The following FES variants were observed in gnomAD, a reference collection of about 807,000 sequenced individuals.
FES encodes tyrosine-protein kinase Fes/Fps.
FES carries 83 observed loss-of-function variants against 109.6 expected under a neutral mutation model. The observed-to-expected ratio is 0.76, with a 90% CI of 0.63 to 0.91. The LOEUF (loss-of-function observed/expected upper bound fraction) is 0.91, where lower values mean the gene tolerates loss of function less well. Among genes scored for constraint, FES ranks in the 40% least tolerant of loss-of-function variants. The pLI, the probability that FES is intolerant of heterozygous loss-of-function variation, is 0.00. For synonymous variants in FES, 458 were observed against 442.1 expected (o/e 1.04, Z -0.45); for missense variants, 943 against 1,070.9 (o/e 0.88, Z 1.67).
chr15:90,893,721 T>C lies in FES; in HGVS notation c.2113T>C (p.Ser705Pro). The C allele has an allele frequency of 6.2e-7, 1 of 1,611,898 alleles. No homozygotes were observed. Among genetic ancestry groups the C allele is most frequent in the Non-Finnish European group, 8.5e-7 (1 of 1,179,232 alleles). Reference sequence around the variant, plus strand: ...CCTGAAGATCAGTGACTTTGGGATGTCCCGAGAGGAAGCCGATGGGGTCTA... The same window carrying C: ...CCTGAAGATCAGTGACTTTGGGATGCCCCGAGAGGAAGCCGATGGGGTCTA... ...NVLKISDFGM[S>P]REEADGVYAA... is the part of the protein sequence containing the mutation. Residue 705 changes from serine (S) to proline (P), a missense_variant, in exon 17 of 19, where the codon TCC becomes CCC. By Grantham distance (74) the Ser-to-Pro change is moderately conservative. Transcript: ENST00000328850.
At chr15:90,888,459 C>T (rs2151252154) in intron 5 of FES, among the ~76,000 whole-genome samples, 1 of 152,352 alleles carries the variant, frequency 6.6e-6, no homozygotes, top group Non-Finnish European at 1.5e-5. Context: ...AAATAGACTT[C>T]AGGGAGCAAG....
rs1337893238 is a variant in FES, at chr15:90,891,005, T to C, written c.1344T>C (p.Ile448=). ...AGCTCCCTCCACCGCTGCAGCTCAT[T>C]CCGGAGGTGCAGAAGCCCCTGCATG... The part of the protein sequence containing the change: ...KFSLPPPLQL[I]PEVQKPLHEQ... Residue 448 remains isoleucine, a synonymous_variant, in exon 11 of 19, where the codon ATT becomes ATC. Transcript: ENST00000328850. 3 of 1,591,660 alleles carry C rather than the reference T, an allele frequency of 1.9e-6. No individual in the cohort carries two copies. Among genetic ancestry groups the C allele is most frequent in the Non-Finnish European group, 2.6e-6 (3 of 1,168,994 alleles).
intron 10 of FES, 91 bp from the exon 11 acceptor site, chr15:90,890,891 C>A: frequency 1.6e-6 from 2 of 1,257,752 alleles, no homozygotes; most frequent in Non-Finnish European, 2.2e-6. Context: ...GGGCTGAGGG[C>A]ATATAGGGGG....
At chr15:90,895,218 G>A (rs2033602472) in intron 18 of FES, among the ~76,000 whole-genome samples, 198 bp from the exon 19 acceptor site, 1 of 152,248 alleles carries the variant, frequency 6.6e-6, no homozygotes, top group African/African-American at 2.4e-5. Context: ...CAGGCTGGCA[G>A]AGGGGACACA....
intron 16 of FES, 60 bp from the exon 17 acceptor site, chr15:90,893,594 T>C: frequency 6.6e-7 from 1 of 1,521,014 alleles, no homozygotes; most frequent in South Asian, 1.3e-5. Flanking sequence ...TCCTAGAGTG[T>C]TCAGCCAGGG....
At chr15:90,891,801 T>G in intron 12 of FES, 125 bp downstream of exon 12, 1 of 1,397,176 alleles carries the variant, frequency 7.2e-7, no homozygotes, top group Non-Finnish European at 9.7e-7. Context: ...AGATGCAGAG[T>G]GAGTGACCCT....
At position 90,887,308 on chromosome 15, in the gene FES, G is replaced by T. The variant is rs1306780827; in HGVS notation, c.606G>T (p.Gln202His). Residue 202 changes from glutamine (Q) to histidine (H), a missense_variant, in exon 5 of 19, where the codon CAG (glutamine) becomes CAT (histidine). Physicochemically the swap from Gln to His is conservative, Grantham distance 24. Coordinates refer to ENST00000328850, the MANE Select transcript of FES (RefSeq NM_002005.4). ...AAQLHHQHHH[Q>H]LLLPGLLRSL... is the part of the protein sequence containing the mutation. ...AGCTACACCACCAGCACCACCACCA[G>T]CTCCTGCTGCCCGGCCTGCTGCGGT... The T allele has an allele frequency of 6.2e-7, 1 of 1,613,212 alleles. No individual in the cohort carries two copies. The highest frequency in any genetic ancestry group is 8.5e-7 in the Non-Finnish European group (1 of 1,180,032).
At chr15:90,887,895 C>G (rs1368260021) in intron 5 of FES, among the ~76,000 whole-genome samples, 1 of 152,150 alleles carries the variant, frequency 6.6e-6, no homozygotes, top group East Asian at 1.9e-4. Context: ...ACAGCAATTA[C>G]ACAGGCCTTG....
In FES at chr15:90,887,005, T is replaced by G; in HGVS notation, c.432T>G (p.Ala144=). The G allele has an allele frequency of 6.2e-7, 1 of 1,614,110 alleles. No individual in the cohort carries two copies. Among genetic ancestry groups the G allele is most frequent in the Non-Finnish European group, 8.5e-7 (1 of 1,180,028 alleles). Residue 144 remains alanine, a synonymous_variant, in exon 4 of 19, where the codon GCT becomes GCG. Transcript: ENST00000328850. ...AGAAGCTGAAGAGCCAGTACCGAGC[T>G]CTGGCACGGGACAGTGCCCAAGCCA... ...DIEKLKSQYR[A]LARDSAQAKR...
At chr15:90,884,813 GT>G (rs2032393368) in intron 1 of FES, 9 of 517,884 alleles carry the variant, frequency 1.7e-5, no homozygotes, top group Non-Finnish European at 3.1e-5. Context: ...GTTGGCTCCT[GT>G]TCCCGAACGT....
In FES at chr15:90,895,643, T is replaced by G. The variant is rs1053715966; in HGVS notation, c.*85T>G. 24 of 1,291,440 alleles carry G rather than the reference T, an allele frequency of 1.9e-5. 2 individuals carry two copies. The highest frequency in any genetic ancestry group is 1.8e-4 in the African/African-American group (12 of 65,964). The allele number at this position is 1,291,440 out of a possible 1,614,324, so 80.0% of individuals were successfully genotyped here. A position where few individuals can be genotyped will look rare whatever the true frequency, so the allele number is the denominator to read the frequency against. On this transcript the variant is annotated 3_prime_UTR_variant, in exon 19 of 19. Transcript: ENST00000328850. ...GCTCCAGCTCATATGCTGACAGCTCTTCACAGTCCTGGACTCCTGCCACCA... is the reference window on the plus strand; with the variant it reads ...GCTCCAGCTCATATGCTGACAGCTCGTCACAGTCCTGGACTCCTGCCACCA...
At position 90,893,899 on chromosome 15, in the gene FES, G is replaced by A; in HGVS notation, c.2204-37G>A. 1.9e-6 allele frequency: 3 copies of A among 1,612,438 alleles called. No homozygotes were observed. In the South Asian group the frequency reaches 3.3e-5, roughly 18 times the overall value. On this transcript the variant is annotated intron_variant, in intron 17 of 18. Coordinates refer to ENST00000328850, the MANE Select transcript of FES (RefSeq NM_002005.4). ...GCCTCGCCCTGGCCCCAGGGAGGGT[G>A]CACTCACGCTGCCTCACCTCCTCGC...
chr15:90,885,697 G>A (rs927359933), intron 3 of FES, 112 bp downstream of exon 3: 13 of 1,461,170 alleles, frequency 8.9e-6, no homozygotes, highest in South Asian at 1.4e-5. Flanking sequence ...GTCCCTGACC[G>A]CAGGCCTGGC....
Position 90,892,099 on chromosome 15 carries a change from G to C in FES, c.1695G>C (p.Glu565Asp). 6.2e-7 allele frequency: 1 copy of C among 1,614,088 alleles called. No individual in the cohort carries two copies. The highest frequency in any genetic ancestry group is 8.5e-7 in the Non-Finnish European group (1 of 1,179,976). The change falls in exon 13 of 19, where the codon GAG becomes GAC. Residue 565 changes from glutamate to aspartate, a missense_variant. Physicochemically the swap from Glu to Asp is conservative, Grantham distance 45. Coordinates refer to ENST00000328850, the MANE Select transcript of FES (RefSeq NM_002005.4). ...VLNHEDLVLG[E>D]QIGRGNFGEV... Reference sequence around the variant, plus strand: ...ACCATGAGGACCTGGTGTTGGGTGAGCAGATTGGACGGGTGAGTGCGCCTC... The same window carrying C: ...ACCATGAGGACCTGGTGTTGGGTGACCAGATTGGACGGGTGAGTGCGCCTC...
At chr15:90,884,818 C>G (rs1167580272) in intron 1 of FES, 6 of 523,892 alleles carry the variant, frequency 1.1e-5, no homozygotes, top group Admixed American at 6.7e-5. Flanking sequence ...CTCCTGTTCC[C>G]GAACGTGCGG....
At position 90,895,636 on chromosome 15, in the gene FES, A is replaced by G. The variant is rs935211998; in HGVS notation, c.*78A>G. On this transcript the variant is annotated 3_prime_UTR_variant, in exon 19 of 19. Transcript: ENST00000328850. Reference sequence around the variant, plus strand: ...CTCAGCGGCTCCAGCTCATATGCTGACAGCTCTTCACAGTCCTGGACTCCT... The same window carrying G: ...CTCAGCGGCTCCAGCTCATATGCTGGCAGCTCTTCACAGTCCTGGACTCCT... 1.7e-5 allele frequency: 22 copies of G among 1,292,062 alleles called. 1 individual carries two copies. Among genetic ancestry groups the G allele is most frequent in the Admixed American group, 1.1e-4 (4 of 37,156 alleles). 80.0% of individuals were successfully genotyped at this position (1,292,062 alleles called of 1,614,324 possible). A position where few individuals can be genotyped will look rare whatever the true frequency, so the allele number is the denominator to read the frequency against.
At chr15:90,890,013 C>T (rs761879196) in intron 8 of FES, 51 bp downstream of exon 8, 1 of 1,596,460 alleles carries the variant, frequency 6.3e-7, no homozygotes, top group Admixed American at 1.7e-5. Context: ...TCCCTCCTAC[C>T]TACCCTAACT....
At position 90,895,664 on chromosome 15, in the gene FES, C is replaced by A; in HGVS notation, c.*106C>A. ...GCTCTTCACAGTCCTGGACTCCTGCCACCAGCATCCACACTGCCGGCAGGA... is the reference window on the plus strand; with the variant it reads ...GCTCTTCACAGTCCTGGACTCCTGCAACCAGCATCCACACTGCCGGCAGGA... On this transcript the variant is annotated 3_prime_UTR_variant, in exon 19 of 19. Transcript: ENST00000328850. 2 of 1,001,676 alleles carry A rather than the reference C, an allele frequency of 2.0e-6. No homozygotes were observed. The highest frequency in any genetic ancestry group is 3.0e-5 in the East Asian group (1 of 33,462). The allele number at this position is 1,001,676 out of a possible 1,614,324, so 62.0% of individuals were successfully genotyped here. A position where few individuals can be genotyped will look rare whatever the true frequency, so the allele number is the denominator to read the frequency against.
Position 90,887,310 on chromosome 15 carries a change from T to C in FES, c.608T>C (p.Leu203Pro). The C allele has an allele frequency of 6.2e-7, 1 of 1,613,152 alleles. No individual in the cohort carries two copies. The highest frequency in any genetic ancestry group is 8.5e-7 in the Non-Finnish European group (1 of 1,180,018). Residue 203 changes from leucine (L) to proline (P), a missense_variant, in exon 5 of 19, where the codon CTC becomes CCC. Coordinates refer to ENST00000328850, the MANE Select transcript of FES (RefSeq NM_002005.4). Reference protein sequence around the residue: ...AQLHHQHHHQLLLPGLLRSLQ... With the variant: ...AQLHHQHHHQPLLPGLLRSLQ... ...CTACACCACCAGCACCACCACCAGCTCCTGCTGCCCGGCCTGCTGCGGTCA... is the reference window on the plus strand; with the variant it reads ...CTACACCACCAGCACCACCACCAGCCCCTGCTGCCCGGCCTGCTGCGGTCA...
Sources: gnomAD v4.1 joint callset for allele counts (sites outside exome capture counted in the v4.1 genomes callset) on GRCh38, gnomAD v4.1.1 for gene constraint, MANE v1.5 for transcripts, NCBI Gene and HGNC (gene_info 2026-07-23, HGNC 2026-07-21) for gene names.